LRRC4C: variants seen among roughly 807,000 people sequenced by gnomAD.
The protein encoded by LRRC4C is leucine-rich repeat-containing protein 4C.
In LRRC4C, 5 loss-of-function variants were observed where a neutral mutation model predicts 33.6. That is an observed-to-expected ratio of 0.15 (90% CI 0.08 to 0.31). LRRC4C has a LOEUF of 0.31. LRRC4C is among the 10% of genes least tolerant of loss of function. LRRC4C has a pLI of 1.00. For synonymous variants in LRRC4C, 329 were observed against 302.0 expected, an observed-to-expected ratio of 1.09 and a Z score of -0.93; for missense variants, 560 against 796.7, an observed-to-expected ratio of 0.70 and a Z score of 3.58.
intron 2 of LRRC4C, among the ~76,000 whole-genome samples, chr11:40,839,535 C>T (rs772177559): frequency 1.3e-4 from 20 of 152,142 alleles, no homozygotes; most frequent in Non-Finnish European, 2.5e-4. Context: ...CGTGAGCCAC[C>T]GCGCCTGGCC....
chr11:41,393,660 T>C (rs1377023803), intron 1 of LRRC4C, among the ~76,000 whole-genome samples: 1 of 151,970 alleles, frequency 6.6e-6, no homozygotes, highest in Non-Finnish European at 1.5e-5. Context: ...TTATGGGTTG[T>C]TATACTTTGT....
chr11:40,207,888 A>T (rs1246553501), intron 5 of LRRC4C, among the ~76,000 whole-genome samples: 1 of 152,156 alleles, frequency 6.6e-6, no homozygotes, highest in Non-Finnish European at 1.5e-5. Flanking sequence ...AGCACCCTTT[A>T]CATATGGCAG....
chr11:40,926,803 T>C (rs1459929844), intron 2 of LRRC4C, among the ~76,000 whole-genome samples: 2 of 152,156 alleles, frequency 1.3e-5, no homozygotes, highest in African/African-American at 4.8e-5. Flanking sequence ...ATTACACATA[T>C]ACTTATTTAA....
At chr11:41,127,419 T>C (rs990162042) in intron 1 of LRRC4C, among the ~76,000 whole-genome samples, 1 of 152,112 alleles carries the variant, frequency 6.6e-6, no homozygotes, top group Admixed American at 6.6e-5. Context: ...TATGGAAGTA[T>C]TATGTTATAA....
chr11:40,259,547 C>T (rs1360194646), intron 4 of LRRC4C, among the ~76,000 whole-genome samples: 2 of 151,792 alleles, frequency 1.3e-5, no homozygotes, highest in South Asian at 2.1e-4. Flanking sequence ...GGTTTTAGGT[C>T]GAACGTTTAA....
At chr11:40,712,853 T>C (rs972058008) in intron 2 of LRRC4C, among the ~76,000 whole-genome samples, 1 of 151,942 alleles carries the variant, frequency 6.6e-6, no homozygotes, top group African/African-American at 2.4e-5. Context: ...ATAGATCGTT[T>C]GTTATTTCAT....
At chr11:40,691,906 A>G (rs1945236555) in intron 2 of LRRC4C, among the ~76,000 whole-genome samples, 1 of 152,084 alleles carries the variant, frequency 6.6e-6, no homozygotes, top group African/African-American at 2.4e-5. Context: ...TGTGAGGTGC[A>G]TTGGATTATT....
chr11:40,696,784 A>G lies in LRRC4C; in HGVS notation c.-406-48506T>C, dbSNP rs183369979. 5.7e-3 allele frequency among the ~76,000 whole-genome samples: 821 copies of G among 144,320 alleles called. 8 individuals carry two copies. Among genetic ancestry groups the G allele is most frequent in the African/African-American group, 0.019 (766 of 39,628 alleles). The allele number at this position is 144,320 out of a possible 152,430, so 94.7% of individuals were successfully genotyped here. A position where few individuals can be genotyped will look rare whatever the true frequency, so the allele number is the denominator to read the frequency against. On this transcript the variant is annotated intron_variant, in intron 2 of 6. Coordinates refer to ENST00000528697, the MANE Select transcript of LRRC4C (RefSeq NM_001258419.2). ...TATATATATATATATATCTGAGTATATATATATACTCATTCACCATTTTAA... is the reference window on the plus strand; with the variant it reads ...TATATATATATATATATCTGAGTATGTATATATACTCATTCACCATTTTAA...
intron 2 of LRRC4C, among the ~76,000 whole-genome samples, chr11:40,908,989 G>C (rs1241818332): frequency 6.6e-6 from 1 of 152,092 alleles, no homozygotes; most frequent in Non-Finnish European, 1.5e-5. Context: ...GTGCAGTTTT[G>C]CTCCTGACAT....
At chr11:40,873,723 T>A (rs2135957889) in intron 2 of LRRC4C, among the ~76,000 whole-genome samples, 1 of 152,302 alleles carries the variant, frequency 6.6e-6, no homozygotes, top group Admixed American at 6.5e-5. Context: ...TAGCTGATTT[T>A]ATTTTTCTCC....
intron 1 of LRRC4C, among the ~76,000 whole-genome samples, chr11:41,059,577 G>A (rs1485431025): frequency 1.3e-5 from 2 of 152,096 alleles, no homozygotes; most frequent in Non-Finnish European, 2.9e-5. Context: ...ATTATAAACT[G>A]TTTTAATGTT....
At chr11:40,883,444 T>C (rs1338716109) in intron 2 of LRRC4C, among the ~76,000 whole-genome samples, 2 of 152,044 alleles carry the variant, frequency 1.3e-5, no homozygotes, top group Non-Finnish European at 1.5e-5. Context: ...TATCAGCAGA[T>C]AGCTAAATTT....
chr11:40,118,212 C>A (rs1437204028), intron 6 of LRRC4C, among the ~76,000 whole-genome samples: 3 of 146,916 alleles, frequency 2.0e-5, no homozygotes, highest in African/African-American at 4.9e-5. Flanking sequence ...TATGAAATAA[C>A]AAATATAATT....
intron 1 of LRRC4C, among the ~76,000 whole-genome samples, chr11:40,990,555 G>A (rs1258482278): frequency 6.6e-5 from 10 of 151,866 alleles, no homozygotes; most frequent in Admixed American, 6.6e-4. Flanking sequence ...GAACACTAGG[G>A]TTCCCCTAGA....
At chr11:40,556,747 T>C (rs1957348032) in intron 3 of LRRC4C, among the ~76,000 whole-genome samples, 1 of 152,260 alleles carries the variant, frequency 6.6e-6, no homozygotes, top group African/African-American at 2.4e-5. Flanking sequence ...GGAGGTGATA[T>C]CCACTTCAAC....
rs11035936 is a variant in LRRC4C at position 40,578,232 on chromosome 11, C to T, written c.-270+69910G>A. 6.4e-3 allele frequency among the ~76,000 whole-genome samples: 865 copies of T among 135,472 alleles called. 13 individuals are homozygous for T. The highest frequency in any genetic ancestry group is 0.023 in the African/African-American group (831 of 35,366). The allele number at this position is 135,472 out of a possible 152,430, so 88.9% of individuals were successfully genotyped here. A position where few individuals can be genotyped will look rare whatever the true frequency, so the allele number is the denominator to read the frequency against. On this transcript the variant is annotated intron_variant, in intron 3 of 6. Coordinates refer to ENST00000528697, the MANE Select transcript of LRRC4C (RefSeq NM_001258419.2). Reference sequence around the variant, plus strand: ...CTCTCTCAATCTGTCTATTTCAGACCTGGATTTGCTTCCCAACTATGCCCC... The same window carrying T: ...CTCTCTCAATCTGTCTATTTCAGACTTGGATTTGCTTCCCAACTATGCCCC...
At chr11:41,081,232 G>C (rs1368902778) in intron 1 of LRRC4C, among the ~76,000 whole-genome samples, 1 of 152,170 alleles carries the variant, frequency 6.6e-6, no homozygotes, top group African/African-American at 2.4e-5. Flanking sequence ...CCTTTGAATG[G>C]GAATGCATGT....
At chr11:41,448,122 G>GTTTTTTTTTTTTTGTTTTTTT (rs1955888713) in intron 1 of LRRC4C, among the ~76,000 whole-genome samples, 1 of 46,948 alleles carries the variant, frequency 2.1e-5, no homozygotes, top group Non-Finnish European at 4.4e-5. Flanking sequence ...GCACACGTCT[G>GTTTTTTTTTTTTTGTTTTTTT]TTTTTTTTTT....
intron 5 of LRRC4C, among the ~76,000 whole-genome samples, chr11:40,219,370 T>C (rs1390024714): frequency 6.6e-6 from 1 of 152,190 alleles, no homozygotes; most frequent in Non-Finnish European, 1.5e-5. Context: ...TTCTTTAATA[T>C]ATCCTTCTAC....
Sources: gnomAD v4.1 joint callset for allele counts (sites outside exome capture counted in the v4.1 genomes callset) on GRCh38, gnomAD v4.1.1 for gene constraint, MANE v1.5 for transcripts, NCBI Gene and HGNC (gene_info 2026-07-23, HGNC 2026-07-21) for gene names.